The following LMO3 variants were observed in gnomAD, a reference collection of about 807,000 sequenced individuals.
The protein encoded by LMO3 is LIM domain only 3, also known as LIM domain only protein 3.
Under a neutral mutation model 15.8 loss-of-function variants are expected in LMO3, and 2 were observed. That is an observed-to-expected ratio of 0.13 (90% CI 0.05 to 0.40). The LOEUF is 0.40. Among genes scored for constraint, LMO3 ranks in the 10% least tolerant of loss-of-function variants. The probability of loss-of-function intolerance (pLI) is 0.99; values close to 1 mark genes in which losing one functional copy is unlikely to be tolerated. For missense variants in LMO3, 86 were observed against 182.2 expected, an observed-to-expected ratio of 0.47 and a Z score of 3.04; for synonymous variants, 62 against 63.8, an observed-to-expected ratio of 0.97 and a Z score of 0.13.
chr12:16,583,015 C>G (rs1419690004), intron 2 of LMO3, among the ~76,000 whole-genome samples: 1 of 139,614 alleles, frequency 7.2e-6, no homozygotes, highest in Non-Finnish European at 1.5e-5. Flanking sequence ...CCACTGCACT[C>G]TAGCCTGGGT....
chr12:16,605,702 G>C, intron 1 of LMO3: 1 of 1,413,662 alleles, frequency 7.1e-7, no homozygotes, highest in Non-Finnish European at 9.6e-7. Flanking sequence ...TCTCTCCCCG[G>C]GAGTCAGGGG....
At chr12:16,600,993 A>G in intron 1 of LMO3, 125 bp from the exon 2 acceptor site, 1 of 718,672 alleles carries the variant, frequency 1.4e-6, no homozygotes, top group South Asian at 2.1e-5. Context: ...TTAGGGCTAT[A>G]CTGAAATCAA....
Position 16,555,258 on chromosome 12 carries a change from T to C in LMO3, c.333-3931A>G, listed in dbSNP as rs750051599. Among the ~76,000 whole-genome samples, 1 of 152,218 alleles carries C rather than the reference T, an allele frequency of 6.6e-6. No homozygotes were observed. The highest frequency in any genetic ancestry group is 1.5e-5 in the Non-Finnish European group (1 of 68,030). On this transcript the variant is annotated intron_variant, in intron 3 of 3. Coordinates refer to ENST00000537304, the MANE Select transcript of LMO3 (RefSeq NM_018640.5). This position sits in a 1 kb window ranked among gnomAD's most constrained non-coding sequence, Gnocchi z 5.5. ...CTCCCCTTTTTCTGTCTACTTAAAT[T>C]GTAACAATCCTTGAGTTCCCATTGC...
Position 16,560,951 on chromosome 12 carries a change from C to T in LMO3, c.207-413G>A, listed in dbSNP as rs1942382372. Among the ~76,000 whole-genome samples the T allele has an allele frequency of 6.6e-6, 1 of 151,730 alleles. No individual in the cohort carries two copies. The highest frequency in any genetic ancestry group is 1.5e-5 in the Non-Finnish European group (1 of 68,000). ...TAATGAATGATTCACTACTTTTTGA[C>T]ATTTAGTTACTAAAAGGTTTGCCAT... is the stretch of plus-strand genomic sequence containing the variant. On this transcript the variant is annotated intron_variant, in intron 2 of 3. Transcript: ENST00000537304. The surrounding 1 kb of genome is among the most constrained non-coding windows in gnomAD (Gnocchi z 5.0).
At chr12:16,600,310 A>AAAAAAAAAAAAAAAAAAAAAAT (rs1943784714) in intron 2 of LMO3, 1 of 162,964 alleles carries the variant, frequency 6.1e-6, no homozygotes, top group Non-Finnish European at 1.3e-5. Flanking sequence ...AAAAAAAAAA[A>AAAAAAAAAAAAAAAAAAAAAAT]AAAAAGAAAA....
intron 2 of LMO3, among the ~76,000 whole-genome samples, chr12:16,570,299 A>C (rs757268911): frequency 6.6e-6 from 1 of 152,158 alleles, no homozygotes; most frequent in Non-Finnish European, 1.5e-5. Flanking sequence ...TTAGAGACTC[A>C]TAATTACCTT....
intron 2 of LMO3, among the ~76,000 whole-genome samples, chr12:16,581,385 TC>T (rs1269847757): frequency 1.3e-5 from 2 of 152,132 alleles, no homozygotes; most frequent in Non-Finnish European, 2.9e-5. Flanking sequence ...ATACTGTAGT[TC>T]CCAAGGGCTA....
intron 2 of LMO3, among the ~76,000 whole-genome samples, chr12:16,592,843 T>A (rs549680692): frequency 7.9e-4 from 120 of 151,996 alleles, no homozygotes; most frequent in African/African-American, 2.7e-3. Context: ...TCAAAATCTT[T>A]TAAAAACAAA....
chr12:16,602,789 T>C (rs992148001), intron 1 of LMO3, among the ~76,000 whole-genome samples: 1 of 152,148 alleles, frequency 6.6e-6, no homozygotes, highest in East Asian at 1.9e-4. Context: ...GAACAACAGA[T>C]CCAAGTGCCT....
intron 2 of LMO3, among the ~76,000 whole-genome samples, chr12:16,592,261 A>G (rs1943518145): frequency 6.6e-6 from 1 of 152,026 alleles, no homozygotes; most frequent in Admixed American, 6.6e-5. Context: ...CATAAACACA[A>G]ACCCCAATCC....
intron 2 of LMO3, chr12:16,573,829 G>A (rs1393000363): frequency 1.3e-5 from 2 of 152,100 alleles, no homozygotes; most frequent in African/African-American, 4.8e-5. Flanking sequence ...GTTAAGTGTC[G>A]AAATCAAGCA....
intron 3 of LMO3, among the ~76,000 whole-genome samples, chr12:16,556,588 C>T (rs1942199007): frequency 6.6e-6 from 1 of 152,166 alleles, no homozygotes; most frequent in Admixed American, 6.5e-5. Flanking sequence ...ATAAAGTTTG[C>T]TTAAGAGAAA....
In LMO3 at chr12:16,560,505, A is replaced by G. The variant is rs1177298102; in HGVS notation, c.240T>C (p.Cys80=). 7.4e-6 allele frequency: 12 copies of G among 1,613,886 alleles called. No homozygotes were observed. The highest frequency in any genetic ancestry group is 1.0e-5 in the Non-Finnish European group (12 of 1,179,854). The stretch of plus-strand genomic sequence containing the variant: ...TCTCAAAGGCAGGGATGAGCTTACT[A>G]CAGGCAGCGCAGTTTCCCGTTACAC... ...LFGVTGNCAA[C]SKLIPAFEMV... is the part of the protein sequence containing the mutation. Residue 80 remains cysteine, a synonymous_variant, in exon 3 of 4, where the codon TGT becomes TGC. Transcript: ENST00000537304. This position sits in a 1 kb window ranked among gnomAD's most constrained non-coding sequence, Gnocchi z 5.0.
rs549957674 is a variant in LMO3, at chr12:16,597,646, T to C, written c.206+3009A>G. On this transcript the variant is annotated intron_variant, in intron 2 of 3. Coordinates refer to ENST00000537304, the MANE Select transcript of LMO3 (RefSeq NM_018640.5). This position sits in a 1 kb window ranked among gnomAD's most constrained non-coding sequence, Gnocchi z 5.0. ...GTGGACAGGCAAATTACTATTTTATTACTTTCCTTATTCTTACTTATGTTC... is the reference window on the plus strand; with the variant it reads ...GTGGACAGGCAAATTACTATTTTATCACTTTCCTTATTCTTACTTATGTTC... 7 of 152,080 alleles carry C rather than the reference T, an allele frequency of 4.6e-5. No homozygotes were observed. The South Asian group carries it at 1.4e-3, about 31-fold the overall frequency. 9.4% of individuals were successfully genotyped at this position (152,080 alleles called of 1,614,324 possible).
chr12:16,578,766 C>T (rs879504187), intron 2 of LMO3, among the ~76,000 whole-genome samples: 3 of 151,606 alleles, frequency 2.0e-5, no homozygotes, highest in Non-Finnish European at 2.9e-5. Flanking sequence ...TGCAGTGAGC[C>T]GAGATCGAGC....
chr12:16,560,785 C>A lies in LMO3; in HGVS notation c.207-247G>T. The A allele has an allele frequency of 2.0e-6, 1 of 512,740 alleles. No homozygotes were observed. The highest frequency in any genetic ancestry group is 3.6e-6 in the Non-Finnish European group (1 of 275,576). The allele number at this position is 512,740 out of a possible 1,614,324, so 31.8% of individuals were successfully genotyped here. On this transcript the variant is annotated intron_variant, in intron 2 of 3. Transcript: ENST00000537304. This position sits in a 1 kb window ranked among gnomAD's most constrained non-coding sequence, Gnocchi z 5.0. ...AAAGACAAATACATTAGGAAGCTTA[C>A]GTAACTGCACATAAACAGAAGTCAA...
rs1046701635 is a variant in LMO3 at position 16,597,166 on chromosome 12, G to A, written c.206+3489C>T. On this transcript the variant is annotated intron_variant, in intron 2 of 3. Coordinates refer to ENST00000537304, the MANE Select transcript of LMO3 (RefSeq NM_018640.5). This position sits in a 1 kb window ranked among gnomAD's most constrained non-coding sequence, Gnocchi z 5.0. ...CCACAGCTAAATGAATGATATGCCA[G>A]TCCAGTTCTGGAAAGTGAAAAATTC... is the stretch of plus-strand genomic sequence containing the variant. Among the ~76,000 whole-genome samples the A allele has an allele frequency of 1.3e-5, 2 of 151,640 alleles. No homozygotes were observed. The highest frequency in any genetic ancestry group is 3.9e-4 in the East Asian group (2 of 5,176).
rs182013725 is a variant in LMO3 at position 16,584,396 on chromosome 12, C to T, written c.206+16259G>A. Among the ~76,000 whole-genome samples the T allele has an allele frequency of 1.6e-4, 24 of 152,196 alleles. No individual in the cohort carries two copies. Among genetic ancestry groups the T allele is most frequent in the Admixed American group, 1.4e-3 (21 of 15,274 alleles). ...GGCAACAGATGAAATTCAGTTAAAA[C>T]AATATTTTGATGGGAAAGGCATCTG... On this transcript the variant is annotated intron_variant, in intron 2 of 3. Coordinates refer to ENST00000537304, the MANE Select transcript of LMO3 (RefSeq NM_018640.5). This position sits in a 1 kb window ranked among gnomAD's most constrained non-coding sequence, Gnocchi z 5.2.
At chr12:16,607,928 G>T (rs1308996723), upstream of LMO3, 1 of 152,094 alleles carries the variant, frequency 6.6e-6, no homozygotes, top group Non-Finnish European at 1.5e-5. Flanking sequence ...ACAAAACTCA[G>T]AACTAACCTG....
Sources: gnomAD v4.1 joint callset for allele counts (sites outside exome capture counted in the v4.1 genomes callset) on GRCh38, gnomAD v4.1.1 for gene constraint, Gnocchi (gnomAD v3.1) non-coding constraint, MANE v1.5 for transcripts, NCBI Gene and HGNC (gene_info 2026-07-23, HGNC 2026-07-21) for gene names.